XIST: variants seen among roughly 807,000 people sequenced by gnomAD.
The protein encoded by XIST is X inactive specific transcript, also known as X inactive specific transcript (non-protein coding).
intron 1 of XIST, among the ~76,000 whole-genome samples, chrX:73,840,733 G>A (rs1922571787): frequency 1.8e-5 from 2 of 111,431 alleles, no homozygotes; most frequent in African/African-American, 3.3e-5. Flanking sequence ...CTCAATCTCT[G>A]AACTTTAAAA....
chrX:73,820,681 ACAATAGCAAC>A (rs1358444636), exon 6 of XIST: 1 of 533,833 alleles, frequency 1.9e-6, no homozygotes, highest in African/African-American at 2.3e-5. Context: ...ATTTTATTTT[ACAATAGCAAC>A]CAACTCCCCA....
exon 1 of XIST, chrX:73,846,873 A>G (rs1395045796): frequency 1.8e-6 from 1 of 559,283 alleles, no homozygotes; most frequent in Non-Finnish European, 3.2e-6. Context: ...CATGCAATAA[A>G]GCAAAGAGGG....
chrX:73,833,361 A>G (rs1490143439), exon 3 of XIST: 2 of 553,614 alleles, frequency 3.6e-6, no homozygotes, highest in Non-Finnish European at 3.3e-6. Flanking sequence ...CAGGTCTCAC[A>G]TGCTCAGAAT....
chrX:73,844,294 T>C (rs1265912457), exon 1 of XIST: 2 of 557,146 alleles, frequency 3.6e-6, no homozygotes, highest in African/African-American at 4.5e-5. Flanking sequence ...AGGGACATTG[T>C]TGTGGTCAAT....
chrX:73,821,675 C>A (rs748321190), exon 6 of XIST: 8 of 548,511 alleles, frequency 1.5e-5, no homozygotes, highest in South Asian at 2.3e-5. Flanking sequence ...TTCCTTCACT[C>A]TTCCTCCTGT....
In XIST at chrX:73,851,962, C is replaced by G. The variant is rs1050122573; in HGVS notation, n.762G>C. 2.5e-5 allele frequency: 14 copies of G among 555,436 alleles called. No homozygotes were observed. In the African/African-American group the frequency reaches 2.9e-4, roughly 12 times the overall value. The allele number at this position is 555,436 out of a possible 1,213,427, so 45.8% of individuals were successfully genotyped here. A position where few individuals can be genotyped will look rare whatever the true frequency, so the allele number is the denominator to read the frequency against. On this transcript the variant is annotated non_coding_transcript_exon_variant, in exon 1 of 6. Coordinates refer to ENST00000429829, the Ensembl canonical transcript of XIST. ...GTAGATATTCCAGAGAGTGCAACAA[C>G]CCACAAAACCAACATTTTTTCATCC... is the stretch of plus-strand genomic sequence containing the variant.
intron 3 of XIST, among the ~76,000 whole-genome samples, chrX:73,832,453 C>CT (rs992604959): frequency 8.9e-6 from 1 of 111,741 alleles, no homozygotes; most frequent in Non-Finnish European, 1.9e-5. Flanking sequence ...TCCTATTCCA[C>CT]TTTTTAACAA....
chrX:73,827,546 G>A (rs1264995342), exon 6 of XIST: 1 of 541,798 alleles, frequency 1.8e-6, no homozygotes, highest in Non-Finnish European at 3.3e-6. Flanking sequence ...ATGCAGAAAT[G>A]AGAAATGTGA....
intron 5 of XIST, chrX:73,828,926 G>A: frequency 2.4e-6 from 1 of 418,184 alleles, no homozygotes; most frequent in Non-Finnish European, 4.2e-6. Flanking sequence ...TCAGTAATAT[G>A]GAAGACTGGT....
At chrX:73,833,109 C>T in intron 3 of XIST, 2 of 438,242 alleles carry the variant, frequency 4.6e-6, no homozygotes, top group Admixed American at 7.3e-5. Context: ...CCCCCCACCT[C>T]AACCTCCCAA....
intron 2 of XIST, chrX:73,833,838 C>T (rs1009948): frequency 0.093 from 10,524 of 112,963 alleles, 615 homozygotes; most frequent in African/African-American, 0.21. Flanking sequence ...TTGCATGGTA[C>T]TGTATAGTAT....
At position 73,844,952 on chromosome X, in the gene XIST, G is replaced by A. The variant is rs7884070; in HGVS notation, n.7772C>T. The A allele has an allele frequency of 2.4e-4, 131 of 552,970 alleles. No individual in the cohort carries two copies. The African/African-American group carries it at 2.7e-3, about 11-fold the overall frequency. The allele number at this position is 552,970 out of a possible 1,213,427, so 45.6% of individuals were successfully genotyped here. A position where few individuals can be genotyped will look rare whatever the true frequency, so the allele number is the denominator to read the frequency against. On this transcript the variant is annotated non_coding_transcript_exon_variant, in exon 1 of 6. Transcript: ENST00000429829. ...ATTGAGGGTGGGGTGGGGCAGGGGA[G>A]GCTTCCATGTCTTATACACTGGAAC...
At chrX:73,838,926 A>T (rs1922536726) in intron 1 of XIST, among the ~76,000 whole-genome samples, 1 of 111,681 alleles carries the variant, frequency 9.0e-6, no homozygotes, top group Non-Finnish European at 1.9e-5. Flanking sequence ...TTTAACTGAC[A>T]CATCATTACT....
exon 6 of XIST, chrX:73,823,309 C>CTTTTTTTTT: frequency 2.3e-6 from 1 of 440,200 alleles, no homozygotes; most frequent in Non-Finnish European, 3.9e-6. Flanking sequence ...ATTTTTCTTT[C>CTTTTTTTTT]TTTTTTTTTT....
At chrX:73,849,141 G>A (rs754405472) in exon 1 of XIST, 1 of 559,161 alleles carries the variant, frequency 1.8e-6, no homozygotes, top group Non-Finnish European at 3.2e-6. Flanking sequence ...ATGCAAGGGC[G>A]ACTGGTAGTC....
chrX:73,851,490 C>G, exon 1 of XIST: 1 of 558,881 alleles, frequency 1.8e-6, no homozygotes, highest in Non-Finnish European at 3.2e-6. Context: ...GAACTGGATC[C>G]GCCATTTTGG....
At chrX:73,848,691 G>A (rs183920959) in exon 1 of XIST, 1 of 556,830 alleles carries the variant, frequency 1.8e-6, no homozygotes, top group African/African-American at 2.2e-5. Context: ...AAGGTGGGAT[G>A]GGGTGAGAAT....
At chrX:73,827,650 A>G in exon 6 of XIST, 1 of 551,110 alleles carries the variant, frequency 1.8e-6, no homozygotes, top group South Asian at 2.3e-5. Context: ...AAATAATCAC[A>G]GTTCACAAAG....
chrX:73,847,256 C>T, exon 1 of XIST: 2 of 556,756 alleles, frequency 3.6e-6, no homozygotes, highest in Middle Eastern at 3.1e-4. Flanking sequence ...AGCAAGGAAG[C>T]GGGATTCTAC....
Sources: allele counts gnomAD v4.1 joint callset (sites outside exome capture counted in the v4.1 genomes callset), GRCh38; gene constraint gnomAD v4.1.1; transcripts MANE v1.5; gene names NCBI Gene and HGNC (gene_info 2026-07-23, HGNC 2026-07-21).